WDR70: variants seen among roughly 807,000 people sequenced by gnomAD.
The protein encoded by WDR70 is WD repeat-containing protein 70.
WDR70 carries 53 observed loss-of-function variants against 88.6 expected under a neutral mutation model. The ratio of observed to expected loss-of-function variants is 0.60; its 90% CI spans 0.48 to 0.75. The LOEUF (loss-of-function observed/expected upper bound fraction) is 0.75, where lower values mean the gene tolerates loss of function less well. Among genes scored for constraint, WDR70 ranks in the 30% least tolerant of loss-of-function variants. The pLI is 0.00. For synonymous variants in WDR70, 280 were observed against 270.0 expected, an observed-to-expected ratio of 1.04 and a Z score of -0.36; for missense variants, 610 against 823.2, an observed-to-expected ratio of 0.74 and a Z score of 3.17.
intron 10 of WDR70, among the ~76,000 whole-genome samples, chr5:37,653,162 T>C (rs888458004): frequency 6.6e-6 from 1 of 152,168 alleles, no homozygotes; most frequent in Non-Finnish European, 1.5e-5. Flanking sequence ...GGTGTTGAAT[T>C]TTGTTGAAGG....
chr5:37,696,673 A>AC (rs1561077428), intron 10 of WDR70, among the ~76,000 whole-genome samples: 4 of 86,196 alleles, frequency 4.6e-5, no homozygotes, highest in Non-Finnish European at 1.1e-4. Context: ...GTACACACAC[A>AC]CGCGCGTGCA....
At position 37,457,340 on chromosome 5, in the gene WDR70, C is replaced by G. The variant is rs535403793; in HGVS notation, c.686+13968C>G. 5.3e-5 allele frequency among the ~76,000 whole-genome samples: 8 copies of G among 152,308 alleles called. No individual in the cohort carries two copies. The East Asian group carries it at 1.5e-3, about 29-fold the overall frequency. ...CCAACTCCTGACCTCAAGTGATCCA[C>G]CCGCCTTGGCCTCCCAAAGTGCTGG... On this transcript the variant is annotated intron_variant, in intron 7 of 17. Transcript: ENST00000265107.
In WDR70 at chr5:37,624,353, T is replaced by G. The variant is rs117555290; in HGVS notation, c.1092+19115T>G. On this transcript the variant is annotated intron_variant, in intron 10 of 17. Coordinates refer to ENST00000265107, the MANE Select transcript of WDR70 (RefSeq NM_018034.4). ...ACTTACCTTCCACTTCAATCCATGT[T>G]ACTGTGAATGGCAGGATTTCATTCT... 2.2e-4 allele frequency among the ~76,000 whole-genome samples: 34 copies of G among 152,338 alleles called. No homozygotes were observed. The East Asian group carries it at 6.4e-3, about 28-fold the overall frequency.
At chr5:37,490,625 G>T (rs1268679041) in intron 8 of WDR70, among the ~76,000 whole-genome samples, 2 of 152,124 alleles carry the variant, frequency 1.3e-5, no homozygotes, top group Non-Finnish European at 2.9e-5. Flanking sequence ...GTCCCTGGCT[G>T]CAGCAGCAGG....
intron 9 of WDR70, among the ~76,000 whole-genome samples, chr5:37,522,433 T>C (rs1368697477): frequency 7.4e-6 from 1 of 134,428 alleles, no homozygotes; most frequent in Non-Finnish European, 1.5e-5. Context: ...ATCGCGCCAC[T>C]GCATTCCAGC....
Position 37,656,056 on chromosome 5 carries a change from T to G in WDR70, c.1093-41599T>G, listed in dbSNP as rs542689966. On this transcript the variant is annotated intron_variant, in intron 10 of 17. Transcript: ENST00000265107. ...GAATTTTCAGCCTTTTTGCCCTGGT[T>G]TTTTTTTCATCTGTGAGGATTTATC... 1.1e-4 allele frequency among the ~76,000 whole-genome samples: 16 copies of G among 151,776 alleles called. No homozygotes were observed. In the Middle Eastern group the frequency reaches 0.014, roughly 129 times the overall value.
intron 10 of WDR70, among the ~76,000 whole-genome samples, chr5:37,624,905 C>A (rs1460510975): frequency 6.6e-6 from 1 of 152,142 alleles, no homozygotes; most frequent in Non-Finnish European, 1.5e-5. Context: ...ACTGTTATAA[C>A]CTACAGACAA....
At position 37,546,834 on chromosome 5, in the gene WDR70, C is replaced by A. The variant is rs183517549; in HGVS notation, c.917+30244C>A. Among the ~76,000 whole-genome samples the A allele has an allele frequency of 3.3e-3, 503 of 152,090 alleles. 3 individuals are homozygous for A. The highest frequency in any genetic ancestry group is 0.012 in the African/African-American group (485 of 41,470). On this transcript the variant is annotated intron_variant, in intron 9 of 17. Transcript: ENST00000265107. ...TCAGGAGGCTGAGGCAGGAGAATTGCCTGAACCTGGGAGGCAGAGTTGCAG... is the reference window on the plus strand; with the variant it reads ...TCAGGAGGCTGAGGCAGGAGAATTGACTGAACCTGGGAGGCAGAGTTGCAG...
intron 10 of WDR70, among the ~76,000 whole-genome samples, chr5:37,687,622 G>T (rs993961754): frequency 6.6e-6 from 1 of 152,150 alleles, no homozygotes; most frequent in Non-Finnish European, 1.5e-5. Context: ...CGTAGCAGAT[G>T]AATATTTGGT....
chr5:37,750,092 C>G (rs550843563), intron 17 of WDR70, among the ~76,000 whole-genome samples: 55 of 152,294 alleles, frequency 3.6e-4, no homozygotes, highest in Middle Eastern at 3.4e-3. Flanking sequence ...ATCACCATTT[C>G]TGTCAAGATT....
chr5:37,419,676 G>A (rs1165646948), intron 5 of WDR70, among the ~76,000 whole-genome samples: 1 of 151,764 alleles, frequency 6.6e-6, no homozygotes, highest in Non-Finnish European at 1.5e-5. Flanking sequence ...TTAACCGGGT[G>A]CGGTGGCAGG....
chr5:37,675,996 A>T (rs973278178), intron 10 of WDR70, among the ~76,000 whole-genome samples: 11 of 150,758 alleles, frequency 7.3e-5, no homozygotes, highest in African/African-American at 2.7e-4. Flanking sequence ...CTTTGAAGCA[A>T]TTGTGAATGG....
chr5:37,752,660 T>G lies in WDR70; in HGVS notation c.*87T>G. 1 of 967,878 alleles carries G rather than the reference T, an allele frequency of 1.0e-6. No individual in the cohort carries two copies. The highest frequency in any genetic ancestry group is 2.8e-5 in the Admixed American group (1 of 36,066). 60.0% of individuals were successfully genotyped at this position (967,878 alleles called of 1,614,324 possible). On this transcript the variant is annotated 3_prime_UTR_variant, in exon 18 of 18. Transcript: ENST00000265107. ...TTTTTATGCTCATGAAATTAAAAAT[T>G]CATTTTTATGAACAGGTTTTGTCCT...
At chr5:37,474,402 A>G (rs1451539328) in intron 7 of WDR70, among the ~76,000 whole-genome samples, 1 of 152,088 alleles carries the variant, frequency 6.6e-6, no homozygotes, top group Non-Finnish European at 1.5e-5. Flanking sequence ...TGGAAAAGAG[A>G]TGTTGAAATC....
chr5:37,390,575 C>T (rs1376475364), intron 3 of WDR70, among the ~76,000 whole-genome samples: 6 of 151,752 alleles, frequency 4.0e-5, no homozygotes, highest in Non-Finnish European at 5.9e-5. Context: ...CTCCTGACCT[C>T]GTGATCCGCC....
chr5:37,746,308 C>G (rs1433144876), intron 17 of WDR70, among the ~76,000 whole-genome samples: 2 of 152,090 alleles, frequency 1.3e-5, no homozygotes, highest in Non-Finnish European at 2.9e-5. Flanking sequence ...GCACTAAATG[C>G]CCACATTAGA....
chr5:37,521,650 G>A (rs898549230), intron 9 of WDR70, among the ~76,000 whole-genome samples: 3 of 151,764 alleles, frequency 2.0e-5, no homozygotes, highest in African/African-American at 7.3e-5. Flanking sequence ...CATCCAGGCT[G>A]CTATGAATGC....
rs1311662385 is a variant in WDR70 at position 37,467,532 on chromosome 5, G to T, written c.687-12302G>T. On this transcript the variant is annotated intron_variant, in intron 7 of 17. Transcript: ENST00000265107. ...TTTGGGGGTTAGGGCTTTATCATAT[G>T]AATTTTTTTTTTTTTTTTTTTTGAG... Among the ~76,000 whole-genome samples the T allele has an allele frequency of 1.4e-4, 13 of 95,660 alleles. No individual in the cohort carries two copies. In the South Asian group the frequency reaches 6.2e-3, roughly 46 times the overall value. The allele number at this position is 95,660 out of a possible 152,430, so 62.8% of individuals were successfully genotyped here.
chr5:37,396,400 C>G lies in WDR70; in HGVS notation c.322C>G (p.Gln108Glu), dbSNP rs369203926. 7 of 1,611,854 alleles carry G rather than the reference C, an allele frequency of 4.3e-6. No homozygotes were observed. Among genetic ancestry groups the G allele is most frequent in the Non-Finnish European group, 5.1e-6 (6 of 1,179,250 alleles). The change falls in exon 5 of 18, where the codon CAG (glutamine) becomes GAG (glutamate). Residue 108 changes from glutamine to glutamate, a missense_variant. Gln to Glu is a conservative substitution (Grantham distance 29). This residue lies in a region of WDR70 where 203 missense variants were observed against 228.1 expected (regional missense o/e 0.89). Coordinates refer to ENST00000265107, the MANE Select transcript of WDR70 (RefSeq NM_018034.4). ...SRDTSSSESE[Q>E]SSDSSDDELI... Reference sequence around the variant, plus strand: ...GGATACGAGCAGCAGTGAAAGTGAACAGAGTTCTGACTCTTCTGATGATGA... The same window carrying G: ...GGATACGAGCAGCAGTGAAAGTGAAGAGAGTTCTGACTCTTCTGATGATGA...
Sources: allele counts gnomAD v4.1 joint callset (sites outside exome capture counted in the v4.1 genomes callset), GRCh38; gene constraint gnomAD v4.1.1; regional missense constraint gnomAD v4.1.1; transcripts MANE v1.5; gene names NCBI Gene and HGNC (gene_info 2026-07-23, HGNC 2026-07-21).